Variants in CHD5 observed in about 807,000 individuals in gnomAD.
CHD5 encodes the protein ATP-dependent chromatin remodeler CHD5.
CHD5 carries 69 observed loss-of-function variants against 230.3 expected under a neutral mutation model. That is an observed-to-expected ratio of 0.30 (90% confidence interval 0.25 to 0.37). The LOEUF is 0.37. Ranked by LOEUF, CHD5 falls within the 10% of genes least tolerant of loss-of-function variation. CHD5 has a pLI of 1.00. For missense variants in CHD5, 1,827 were observed against 2,622.8 expected, an observed-to-expected ratio of 0.70 and a Z score of 6.63; for synonymous variants, 1,064 against 1,065.9, an observed-to-expected ratio of 1.00 and a Z score of 0.03.
intron 9 of CHD5, among the ~76,000 whole-genome samples, chr1:6,148,188 G>A (rs910232581): frequency 2.6e-5 from 4 of 152,204 alleles, no homozygotes; most frequent in African/African-American, 9.7e-5. Flanking sequence ...CCTGAGGGGT[G>A]GAGGATCTGG....
chr1:6,113,296 C>A, intron 33 of CHD5: 1 of 413,368 alleles, frequency 2.4e-6, no homozygotes, highest in Non-Finnish European at 4.6e-6. Flanking sequence ...TGGCGCCATG[C>A]GCCTGTGGTC....
intron 1 of CHD5, among the ~76,000 whole-genome samples, chr1:6,172,684 C>T (rs1048716524): frequency 3.9e-5 from 6 of 152,148 alleles, no homozygotes; most frequent in East Asian, 1.9e-4. Context: ...CTGTGTAAAC[C>T]GGCTCGGTGG....
In CHD5 at chr1:6,144,321, G is replaced by A. The variant is rs186162158; in HGVS notation, c.1803-166C>T. Among the ~76,000 whole-genome samples the A allele has an allele frequency of 3.9e-3, 588 of 152,290 alleles. 2 individuals are homozygous for A. Among genetic ancestry groups the A allele is most frequent in the African/African-American group, 0.013 (532 of 41,560 alleles). ...GGCAGAAGCTCCAGGGAGGTGCAGC[G>A]GCTTGCCTGGGGCCACACAGCGAAT... On this transcript the variant is annotated intron_variant, in intron 11 of 41. Transcript: ENST00000262450.
intron 1 of CHD5, among the ~76,000 whole-genome samples, chr1:6,172,907 T>C (rs1196415271): frequency 1.3e-5 from 2 of 151,858 alleles, no homozygotes; most frequent in African/African-American, 4.8e-5. Context: ...CACAAGGTGA[T>C]CAAAACAAGG....
chr1:6,179,685 G>A (rs1667482994), intron 1 of CHD5, among the ~76,000 whole-genome samples: 13 of 148,464 alleles, frequency 8.8e-5, no homozygotes, highest in Admixed American at 8.7e-4. Flanking sequence ...CCTCTGGCCC[G>A]CCTGGCCCGC....
Position 6,124,558 on chromosome 1 carries a change from C to T in CHD5, c.4498G>A (p.Val1500Met), listed in dbSNP as rs1057206674. 1.2e-6 allele frequency: 2 copies of T among 1,613,616 alleles called. No homozygotes were observed. The highest frequency in any genetic ancestry group is 1.1e-5 in the South Asian group (1 of 91,038). Reference protein sequence around the residue: ...VPREGLSRQHVLTRIGVMSLV... With the variant: ...VPREGLSRQHMLTRIGVMSLV... ...GACATGACCCCGATGCGGGTCAGCA[C>T]GTGCTGCCTGGAGAGGCCCTCCCGG... Residue 1500 changes from valine to methionine, a missense_variant, in exon 30 of 42, where the codon GTG becomes ATG. Coordinates refer to ENST00000262450, the MANE Select transcript of CHD5 (RefSeq NM_015557.3).
At position 6,142,712 on chromosome 1, in the gene CHD5, CT is replaced by C; in HGVS notation, c.2044-108del. On this transcript the variant is annotated intron_variant, in intron 13 of 41. Coordinates refer to ENST00000262450, the MANE Select transcript of CHD5 (RefSeq NM_015557.3). This position sits in a 1 kb window ranked among gnomAD's most constrained non-coding sequence, Gnocchi z 5.2. ...CCTTCTGCCTGGAACACTCTTCCCA[CT>C]CCTGTCTGTCTTCCTAACTCTTCTC... 1 of 1,215,094 alleles carries C rather than the reference CT, an allele frequency of 8.2e-7. No homozygotes were observed. Among genetic ancestry groups the C allele is most frequent in the Non-Finnish European group, 1.1e-6 (1 of 880,538 alleles). The allele number at this position is 1,215,094 out of a possible 1,614,324, so 75.3% of individuals were successfully genotyped here.
At position 6,125,287 on chromosome 1, in the gene CHD5, G is replaced by A; in HGVS notation, c.4261-54C>T. The A allele has an allele frequency of 7.0e-7, 1 of 1,431,742 alleles. No individual in the cohort carries two copies. 88.7% of individuals were successfully genotyped at this position (1,431,742 alleles called of 1,614,324 possible). On this transcript the variant is annotated intron_variant, in intron 28 of 41. Coordinates refer to ENST00000262450, the MANE Select transcript of CHD5 (RefSeq NM_015557.3). The surrounding 1 kb of genome is among the most constrained non-coding windows in gnomAD (Gnocchi z 6.7). ...CCCAGGACAGAGAGGGGTGGGGGTG[G>A]AGGATTCTGGGATGGGGGAAGAAAA... is the stretch of plus-strand genomic sequence containing the variant.
chr1:6,101,788 T>C lies in CHD5; in HGVS notation c.*3686A>G, dbSNP rs1483413338. On this transcript the variant is annotated 3_prime_UTR_variant, in exon 42 of 42. Transcript: ENST00000262450. ...ATCTTAAAAAGAAAAAGCCTCTGATTAAATCCTTTCCCAAAGGATTTATTA... is the reference window on the plus strand; with the variant it reads ...ATCTTAAAAAGAAAAAGCCTCTGATCAAATCCTTTCCCAAAGGATTTATTA... 6.2e-6 allele frequency: 1 copy of C among 160,084 alleles called. No homozygotes were observed. The highest frequency in any genetic ancestry group is 1.4e-5 in the Non-Finnish European group (1 of 71,394). The allele number at this position is 160,084 out of a possible 1,614,324, so 9.9% of individuals were successfully genotyped here. A position where few individuals can be genotyped will look rare whatever the true frequency, so the allele number is the denominator to read the frequency against.
intron 11 of CHD5, 94 bp from the exon 12 acceptor site, chr1:6,144,249 C>G (rs1666876174): frequency 6.5e-7 from 1 of 1,541,830 alleles, no homozygotes; most frequent in African/African-American, 1.4e-5. Context: ...GCCATTCACA[C>G]CCAGGGTCCC....
intron 17 of CHD5, 45 bp from the exon 18 acceptor site, chr1:6,135,448 G>T (rs191074900): frequency 6.5e-7 from 1 of 1,542,090 alleles, no homozygotes; most frequent in Admixed American, 1.8e-5. Context: ...GAGGACCGGG[G>T]CAGGGGAGGC....
chr1:6,147,639 A>G (rs1356303931), intron 9 of CHD5, among the ~76,000 whole-genome samples: 1 of 152,186 alleles, frequency 6.6e-6, no homozygotes, highest in Non-Finnish European at 1.5e-5. Flanking sequence ...TGGTGGGGAT[A>G]GCAGGTCCCA....
intron 2 of CHD5, among the ~76,000 whole-genome samples, chr1:6,163,752 CA>C (rs1483283849): frequency 6.6e-6 from 1 of 152,176 alleles, no homozygotes; most frequent in Non-Finnish European, 1.5e-5. Flanking sequence ...AGACGCAGAC[CA>C]ATAAGTCCCT....
At chr1:6,168,756 C>T (rs1024777394) in intron 1 of CHD5, among the ~76,000 whole-genome samples, 2 of 152,124 alleles carry the variant, frequency 1.3e-5, no homozygotes, top group Admixed American at 6.6e-5. Flanking sequence ...CAGTGGCTCA[C>T]GCCTGTAATC....
chr1:6,101,860 A>C lies in CHD5; in HGVS notation c.*3614T>G, dbSNP rs1327807613. ...ACACACAGAGTACAAAGTAAAGGTG[A>C]TTGTGTTGGCTACAGCCTCTGTCCA... On this transcript the variant is annotated 3_prime_UTR_variant, in exon 42 of 42. Coordinates refer to ENST00000262450, the MANE Select transcript of CHD5 (RefSeq NM_015557.3). 3.5e-6 allele frequency: 1 copy of C among 282,442 alleles called. No homozygotes were observed. The highest frequency in any genetic ancestry group is 1.8e-4 in the East Asian group (1 of 5,710). 17.5% of individuals were successfully genotyped at this position (282,442 alleles called of 1,614,324 possible).
rs1289252296 is a variant in CHD5, at chr1:6,105,423, C to T, written c.*51G>A. On this transcript the variant is annotated 3_prime_UTR_variant, in exon 42 of 42. Transcript: ENST00000262450. The surrounding 1 kb of genome is among the most constrained non-coding windows in gnomAD (Gnocchi z 4.8). ...TGGGTCGGGCAGGTGGCCCGGCAGG[C>T]GTGGCTGCAAAACGCAAATCAGTGG... 4.3e-6 allele frequency: 2 copies of T among 470,542 alleles called. No homozygotes were observed. The highest frequency in any genetic ancestry group is 1.5e-5 in the South Asian group (1 of 64,524). The allele number at this position is 470,542 out of a possible 1,614,324, so 29.1% of individuals were successfully genotyped here. A position where few individuals can be genotyped will look rare whatever the true frequency, so the allele number is the denominator to read the frequency against.
At chr1:6,127,934 G>T in intron 25 of CHD5, 112 bp downstream of exon 25, 1 of 965,612 alleles carries the variant, frequency 1.0e-6, no homozygotes, top group Non-Finnish European at 1.5e-6. Context: ...ACAGCTTGGA[G>T]GGCTGGCTGC....
At chr1:6,170,961 C>A (rs919312193) in intron 1 of CHD5, among the ~76,000 whole-genome samples, 1 of 152,208 alleles carries the variant, frequency 6.6e-6, no homozygotes, top group African/African-American at 2.4e-5. Context: ...ACCGCCTGGG[C>A]AGAGCCACCC....
chr1:6,152,650 A>C, intron 5 of CHD5, 114 bp from the exon 6 acceptor site: 2 of 1,517,192 alleles, frequency 1.3e-6, no homozygotes, highest in Non-Finnish European at 8.9e-7. Flanking sequence ...TTCTACCATC[A>C]CCCCGTTTCA....
Sources: allele counts gnomAD v4.1 joint callset (sites outside exome capture counted in the v4.1 genomes callset), GRCh38; gene constraint gnomAD v4.1.1; non-coding constraint Gnocchi (gnomAD v3.1); transcripts MANE v1.5; gene names NCBI Gene and HGNC (gene_info 2026-07-23, HGNC 2026-07-21).